BMPR2: variants seen among roughly 807,000 people sequenced by gnomAD.
The protein encoded by BMPR2 is bone morphogenetic protein receptor type 2.
BMPR2 carries 29 observed loss-of-function variants against 100.8 expected under a neutral mutation model. The observed-to-expected ratio is 0.29, with a 90% confidence interval of 0.21 to 0.39. BMPR2 has a LOEUF of 0.39. Among genes scored for constraint, BMPR2 ranks in the 10% least tolerant of loss-of-function variants. The pLI is 1.00. For missense variants in BMPR2, 1,011 were observed against 1,274.5 expected, an observed-to-expected ratio of 0.79 and a Z score of 3.15; for synonymous variants, 382 against 442.3, an observed-to-expected ratio of 0.86 and a Z score of 1.71.
chr2:202,488,296 G>A (rs1297515087), intron 3 of BMPR2, among the ~76,000 whole-genome samples: 1 of 152,120 alleles, frequency 6.6e-6, no homozygotes, highest in Non-Finnish European at 1.5e-5. Context: ...CATAAGTGCT[G>A]ACAGTATTAT....
At chr2:202,506,455 CTTTTGTTTTG>C (rs377230318) in intron 3 of BMPR2, among the ~76,000 whole-genome samples, 1 of 152,122 alleles carries the variant, frequency 6.6e-6, no homozygotes, top group South Asian at 2.1e-4. Context: ...CATGCCTGGC[CTTTTGTTTTG>C]TTTTGTTTTG....
At chr2:202,507,855 A>C (rs755503451) in intron 3 of BMPR2, among the ~76,000 whole-genome samples, 3 of 151,442 alleles carry the variant, frequency 2.0e-5, no homozygotes, top group African/African-American at 4.9e-5. Flanking sequence ...ATGTGCCACC[A>C]TGCCCGGCTA....
chr2:202,401,379 G>C (rs1690766372), intron 1 of BMPR2, among the ~76,000 whole-genome samples: 1 of 152,180 alleles, frequency 6.6e-6, no homozygotes, highest in Non-Finnish European at 1.5e-5. Context: ...AGTGGATACA[G>C]ACAATTACAG....
chr2:202,407,538 C>T (rs561634084), intron 1 of BMPR2, among the ~76,000 whole-genome samples: 21 of 151,926 alleles, frequency 1.4e-4, no homozygotes, highest in Admixed American at 1.0e-3. Context: ...TTTGGGAGGC[C>T]GAGACGGGTG....
chr2:202,504,391 A>G (rs899261138), intron 3 of BMPR2, among the ~76,000 whole-genome samples: 5 of 151,986 alleles, frequency 3.3e-5, no homozygotes, highest in African/African-American at 4.8e-5. Flanking sequence ...GAACAACTCC[A>G]GACACGCCGC....
intron 1 of BMPR2, among the ~76,000 whole-genome samples, chr2:202,455,507 C>T (rs1045816221): frequency 1.3e-5 from 2 of 152,182 alleles, no homozygotes; most frequent in Admixed American, 1.3e-4. Flanking sequence ...ATATGGAAGT[C>T]TGTCATGATA....
intron 3 of BMPR2, among the ~76,000 whole-genome samples, chr2:202,471,823 A>G (rs1001026196): frequency 1.3e-5 from 2 of 152,182 alleles, no homozygotes; most frequent in Non-Finnish European, 2.9e-5. Flanking sequence ...GTGGTTTTAT[A>G]AGAGAATAAC....
rs148205811 is a variant in BMPR2, at chr2:202,491,952, G to A, written c.419-21767G>A. On this transcript the variant is annotated intron_variant, in intron 3 of 12. Transcript: ENST00000374580. The stretch of plus-strand genomic sequence containing the variant: ...CCCAGGCTCCTTACAAGGAAAAGTA[G>A]CTACATTTGTTACATAGAAAAACAG... Among the ~76,000 whole-genome samples, 81 of 152,254 alleles carry A rather than the reference G, an allele frequency of 5.3e-4. 1 individual carries two copies. The highest frequency in any genetic ancestry group is 1.8e-3 in the African/African-American group (73 of 41,554).
intron 1 of BMPR2, among the ~76,000 whole-genome samples, chr2:202,422,858 G>T (rs547096707): frequency 2.6e-5 from 4 of 151,622 alleles, no homozygotes; most frequent in Non-Finnish European, 4.4e-5. Context: ...TCTGTTTTTC[G>T]TAGAGATGGG....
At chr2:202,450,162 A>G (rs939312106) in intron 1 of BMPR2, among the ~76,000 whole-genome samples, 1 of 152,096 alleles carries the variant, frequency 6.6e-6, no homozygotes, top group African/African-American at 2.4e-5. Flanking sequence ...CTTGAGTACG[A>G]CTTTGTGCTG....
intron 5 of BMPR2, among the ~76,000 whole-genome samples, chr2:202,518,566 C>G (rs1312896408): frequency 6.6e-6 from 1 of 152,156 alleles, no homozygotes; most frequent in Non-Finnish European, 1.5e-5. Flanking sequence ...TAATGCCTCT[C>G]AAGATCTATC....
chr2:202,409,726 AC>A (rs1690974465), intron 1 of BMPR2, among the ~76,000 whole-genome samples: 1 of 152,192 alleles, frequency 6.6e-6, no homozygotes, highest in Non-Finnish European at 1.5e-5. Context: ...GAAGAAAATA[AC>A]TTGTCTAAGA....
intron 1 of BMPR2, among the ~76,000 whole-genome samples, chr2:202,426,712 T>G (rs1268593023): frequency 6.6e-6 from 1 of 151,702 alleles, no homozygotes; most frequent in African/African-American, 2.4e-5. Context: ...TAAGATCCCG[T>G]CTCTTCAAAT....
Position 202,561,774 on chromosome 2 carries a change from T to A in BMPR2, c.*1828T>A, listed in dbSNP as rs1688681823. The A allele has an allele frequency of 6.6e-6, 1 of 152,186 alleles. No individual in the cohort carries two copies. Among genetic ancestry groups the A allele is most frequent in the African/African-American group, 2.4e-5 (1 of 41,458 alleles). The allele number at this position is 152,186 out of a possible 1,614,324, so 9.4% of individuals were successfully genotyped here. On this transcript the variant is annotated 3_prime_UTR_variant, in exon 13 of 13. Transcript: ENST00000374580. The stretch of plus-strand genomic sequence containing the variant: ...TCTGTCCAAAATATTTGTGATTTAC[T>A]TGTATATAAGCCTTCTCATTTGCCA...
At position 202,511,999 on chromosome 2, in the gene BMPR2, C is replaced by T. The variant is rs190895002; in HGVS notation, c.419-1720C>T. On this transcript the variant is annotated intron_variant, in intron 3 of 12. Transcript: ENST00000374580. ...TTGCACCACTGAGCTCCAGCCTGGG[C>T]GACAGAGCAAGACTCTCTTAAAAAA... Among the ~76,000 whole-genome samples, 4 of 147,128 alleles carry T rather than the reference C, an allele frequency of 2.7e-5. No individual in the cohort carries two copies. The East Asian group carries it at 6.0e-4, about 22-fold the overall frequency.
At chr2:202,408,595 A>T (rs910712128) in intron 1 of BMPR2, among the ~76,000 whole-genome samples, 9 of 152,206 alleles carry the variant, frequency 5.9e-5, no homozygotes, top group Non-Finnish European at 1.0e-4. Context: ...TGTGTCTGGT[A>T]CAGAGGGGAG....
chr2:202,390,333 G>GTTTTTT (rs374406877), intron 1 of BMPR2, among the ~76,000 whole-genome samples: 1 of 132,544 alleles, frequency 7.5e-6, no homozygotes, highest in Non-Finnish European at 1.6e-5. Flanking sequence ...TTTCTTTCGT[G>GTTTTTT]TTTTTTTTTT....
At chr2:202,418,018 C>T (rs1691173846) in intron 1 of BMPR2, among the ~76,000 whole-genome samples, 2 of 151,946 alleles carry the variant, frequency 1.3e-5, no homozygotes, top group African/African-American at 4.8e-5. Context: ...GTGCCTGGCC[C>T]GTCATGTTTT....
chr2:202,382,665 A>G (rs1690328492), intron 1 of BMPR2, among the ~76,000 whole-genome samples: 1 of 152,262 alleles, frequency 6.6e-6, no homozygotes, highest in African/African-American at 2.4e-5. Context: ...TGACTCAAAT[A>G]ACACACCAAT....
Sources: allele counts gnomAD v4.1 joint callset (sites outside exome capture counted in the v4.1 genomes callset), GRCh38; gene constraint gnomAD v4.1.1; transcripts MANE v1.5; gene names NCBI Gene and HGNC (gene_info 2026-07-23, HGNC 2026-07-21).